RHOBTB3: variants seen among roughly 807,000 people sequenced by gnomAD.
RHOBTB3 encodes rho-related BTB domain-containing protein 3.
RHOBTB3 carries 47 observed loss-of-function variants against 67.2 expected under a neutral mutation model. The ratio of observed to expected loss-of-function variants is 0.70; its 90% confidence interval spans 0.55 to 0.89. The LOEUF (loss-of-function observed/expected upper bound fraction) is 0.89, where lower values mean the gene tolerates loss of function less well. Ranked by LOEUF, RHOBTB3 falls within the 40% of genes least tolerant of loss-of-function variation. The probability of loss-of-function intolerance (pLI) is 0.00; values close to 1 mark genes in which losing one functional copy is unlikely to be tolerated. For missense variants in RHOBTB3, 631 were observed against 750.0 expected (o/e 0.84, Z 1.85); for synonymous variants, 273 against 274.2 (o/e 1.00, Z 0.04).
Position 95,755,749 on chromosome 5 carries a change from T to C in RHOBTB3, c.1036T>C (p.Phe346Leu). 12 of 1,613,474 alleles carry C rather than the reference T, an allele frequency of 7.4e-6. No individual in the cohort carries two copies. The highest frequency in any genetic ancestry group is 9.3e-6 in the Non-Finnish European group (11 of 1,179,976). ...FCSCLSDILRFIYSGAFQWEE... is the reference protein window; with the variant it reads ...FCSCLSDILRLIYSGAFQWEE... ...TTCTTGTTTATCAGACATCCTTCGC[T>C]TCATTTATTCAGGTATCTTGTCAAG... Residue 346 changes from phenylalanine (F) to leucine (L), a missense_variant, in exon 6 of 12, where the codon TTC (phenylalanine) becomes CTC (leucine). Physicochemically the swap from Phe to Leu is conservative, Grantham distance 22. Coordinates refer to ENST00000379982, the MANE Select transcript of RHOBTB3 (RefSeq NM_014899.4).
chr5:95,782,352 T>G (rs910129044), intron 9 of RHOBTB3: 1 of 152,036 alleles, frequency 6.6e-6, no homozygotes, highest in African/African-American at 2.4e-5. Flanking sequence ...CCCAGCCAAA[T>G]TGGGTGGTTG....
In RHOBTB3 at chr5:95,736,906, T is replaced by C. The variant is rs1755466383; in HGVS notation, c.246T>C (p.Asp82=). ...TGGTTTAGGACATATTTGACAGTGA[T>C]TGGTACACTTCTCGAAATCTAATTG... ...DCPVWDIFDS[D]WYTSRNLIGG... The change falls in exon 3 of 12, where the codon GAT becomes GAC. Residue 82 remains aspartate, a synonymous_variant. Coordinates refer to ENST00000379982, the MANE Select transcript of RHOBTB3 (RefSeq NM_014899.4). 6.2e-7 allele frequency: 1 copy of C among 1,607,768 alleles called. No individual in the cohort carries two copies.
intron 8 of RHOBTB3, chr5:95,769,245 C>A: frequency 2.6e-6 from 1 of 379,994 alleles, no homozygotes; most frequent in South Asian, 2.4e-5. Flanking sequence ...AGTCAATTGG[C>A]TTCAAGGATA....
upstream of RHOBTB3, among the ~76,000 whole-genome samples, chr5:95,726,899 G>T (rs774723974): frequency 2.0e-5 from 3 of 151,956 alleles, no homozygotes; most frequent in Non-Finnish European, 4.4e-5. Flanking sequence ...CCACTTACTG[G>T]TCAACCTGGG....
At chr5:95,758,476 T>A (rs1285087300) in intron 6 of RHOBTB3, among the ~76,000 whole-genome samples, 1 of 152,138 alleles carries the variant, frequency 6.6e-6, no homozygotes, top group East Asian at 1.9e-4. Context: ...GGTGATGAGG[T>A]GGGCAAGGCC....
At chr5:95,719,532 G>A (rs1423889032) in intron 1 of RHOBTB3, 1 of 152,212 alleles carries the variant, frequency 6.6e-6, no homozygotes, top group African/African-American at 2.4e-5. Flanking sequence ...CTGATACTGG[G>A]TAGTGAGCAG....
intron 3 of RHOBTB3, among the ~76,000 whole-genome samples, chr5:95,746,847 C>T (rs1358185255): frequency 1.3e-5 from 2 of 152,172 alleles, no homozygotes; most frequent in East Asian, 3.8e-4. Flanking sequence ...CTAAAATTAT[C>T]TAAGCCATGT....
At chr5:95,759,404 A>G (rs1385985074) in intron 6 of RHOBTB3, among the ~76,000 whole-genome samples, 1 of 152,250 alleles carries the variant, frequency 6.6e-6, no homozygotes, top group African/African-American at 2.4e-5. Flanking sequence ...CTCAAGGAAA[A>G]GTTTCATTTA....
intron 3 of RHOBTB3, among the ~76,000 whole-genome samples, chr5:95,738,558 A>G (rs997953391): frequency 2.0e-5 from 3 of 152,042 alleles, no homozygotes; most frequent in Non-Finnish European, 4.4e-5. Flanking sequence ...GGCTCCTGAT[A>G]AAAGGATGAG....
At chr5:95,744,274 T>C (rs143487268) in intron 3 of RHOBTB3, among the ~76,000 whole-genome samples, 213 of 152,326 alleles carry the variant, frequency 1.4e-3, no homozygotes, top group Non-Finnish European at 6.5e-4. Flanking sequence ...CATATCAGCA[T>C]AGCAAATTCA....
intron 4 of RHOBTB3, among the ~76,000 whole-genome samples, chr5:95,750,001 C>T (rs752586401): frequency 3.3e-5 from 5 of 152,146 alleles, no homozygotes; most frequent in Admixed American, 6.5e-5. Flanking sequence ...GGGAGAAAGA[C>T]GTGGCAGTTT....
intron 8 of RHOBTB3, among the ~76,000 whole-genome samples, chr5:95,776,963 T>C (rs374317225): frequency 6.6e-6 from 1 of 152,150 alleles, no homozygotes; most frequent in South Asian, 2.1e-4. Context: ...GTCCCAGGCC[T>C]TCCCCCAAAA....
chr5:95,748,488 G>T lies in RHOBTB3; in HGVS notation c.570+1G>T. 1 of 1,605,576 alleles carries T rather than the reference G, an allele frequency of 6.2e-7. No individual in the cohort carries two copies. Among genetic ancestry groups the T allele is most frequent in the Non-Finnish European group, 8.5e-7 (1 of 1,175,312 alleles). Reference sequence around the variant, plus strand: ...CATAGGAAAGTATTTTGGAGGAGTGGTAAGTGGAAATTCCTGTTAAGTATA... The same window carrying T: ...CATAGGAAAGTATTTTGGAGGAGTGTTAAGTGGAAATTCCTGTTAAGTATA... On this transcript the variant is annotated splice_donor_variant, in intron 4 of 11. Transcript: ENST00000379982. LOFTEE classifies it high-confidence loss of function.
At chr5:95,736,791 A>G (rs760675703) in intron 2 of RHOBTB3, 98 bp from the exon 3 acceptor site, 35 of 788,256 alleles carry the variant, frequency 4.4e-5, no homozygotes, top group Admixed American at 4.0e-4. Flanking sequence ...TTATTTTAAA[A>G]TAATTTTTTA....
chr5:95,770,346 C>A, intron 8 of RHOBTB3: 1 of 271,392 alleles, frequency 3.7e-6, no homozygotes, highest in South Asian at 5.3e-5. Flanking sequence ...TGCTTCAGTT[C>A]ATTCCAGCCT....
chr5:95,784,663 T>G (rs951068033), intron 10 of RHOBTB3, among the ~76,000 whole-genome samples: 1 of 152,198 alleles, frequency 6.6e-6, no homozygotes, highest in Non-Finnish European at 1.5e-5. Context: ...GGCCCTAAAT[T>G]ATGAATCAGA....
chr5:95,768,653 G>A lies in RHOBTB3; in HGVS notation c.1282+487G>A, dbSNP rs144947906. 8.3e-4 allele frequency among the ~76,000 whole-genome samples: 126 copies of A among 152,240 alleles called. 2 individuals carry two copies. The East Asian group carries it at 0.023, about 28-fold the overall frequency. On this transcript the variant is annotated intron_variant, in intron 8 of 11. Transcript: ENST00000379982. ...TGAGGGTTATGCCTGGCCCACCTCA[G>A]GCACCCATAGATATTGCTACATTTA...
At chr5:95,792,388 G>GAAAAAA (rs752562205) in intron 11 of RHOBTB3, among the ~76,000 whole-genome samples, 2 of 83,624 alleles carry the variant, frequency 2.4e-5, no homozygotes, top group Non-Finnish European at 4.5e-5. Context: ...CTCCGTCTCA[G>GAAAAAA]AAAAAAAAAA....
chr5:95,722,621 C>G (rs1754920952), intron 1 of RHOBTB3, among the ~76,000 whole-genome samples: 1 of 152,180 alleles, frequency 6.6e-6, no homozygotes. Flanking sequence ...TCCCAAGTAG[C>G]TGGGACTACA....
Sources: gnomAD v4.1 joint callset for allele counts (sites outside exome capture counted in the v4.1 genomes callset) on GRCh38, gnomAD v4.1.1 for gene constraint, MANE v1.5 for transcripts, NCBI Gene and HGNC (gene_info 2026-07-23, HGNC 2026-07-21) for gene names.